Variants in GNPDA2 observed in about 807,000 individuals in gnomAD.
The protein encoded by GNPDA2 is glcN6P deaminase 2.
GNPDA2 carries 24 observed loss-of-function variants against 27.0 expected under a neutral mutation model. The observed-to-expected ratio is 0.89, with a 90% CI of 0.64 to 1.25. GNPDA2 has a LOEUF of 1.25. GNPDA2 is among the 50% of genes most tolerant of loss of function. The pLI is 0.00. For missense variants in GNPDA2, 286 were observed against 335.1 expected, an observed-to-expected ratio of 0.85 and a Z score of 1.14; for synonymous variants, 94 against 108.4, an observed-to-expected ratio of 0.87 and a Z score of 0.83.
At chr4:44,714,113 A>G (rs898814568) in intron 4 of GNPDA2, 1 of 159,838 alleles carries the variant, frequency 6.3e-6, no homozygotes, top group Non-Finnish European at 1.3e-5. Context: ...CTGGGATTAC[A>G]GGCATGCACC....
chr4:44,712,314 G>A (rs1383945531), intron 4 of GNPDA2, among the ~76,000 whole-genome samples: 3 of 151,842 alleles, frequency 2.0e-5, no homozygotes, highest in Admixed American at 6.6e-5. Context: ...CTGACACTTA[G>A]CACACAAGTT....
At chr4:44,720,649 A>G (rs1163841505) in intron 2 of GNPDA2, among the ~76,000 whole-genome samples, 2 of 152,146 alleles carry the variant, frequency 1.3e-5, no homozygotes, top group Non-Finnish European at 2.9e-5. Flanking sequence ...GGTACAAGCA[A>G]TTACCGACAT....
rs752949782 is a variant in GNPDA2 at position 44,718,331 on chromosome 4, G to A, written c.204C>T (p.Thr68=). ...TACCTACATATTCATCCATATTAAA[G>A]GTCTTCACATATTTAAAAGAAAGGT... ...NGHLSFKYVK[T]FNMDEYVGLP... The change falls in exon 3 of 7, where the codon ACC becomes ACT. Residue 68 remains threonine (T), a synonymous_variant. Transcript: ENST00000295448. 7.7e-7 allele frequency: 1 copy of A among 1,297,250 alleles called. No individual in the cohort carries two copies. The highest frequency in any genetic ancestry group is 1.4e-5 in the South Asian group (1 of 72,928). 80.4% of individuals were successfully genotyped at this position (1,297,250 alleles called of 1,614,324 possible). A position where few individuals can be genotyped will look rare whatever the true frequency, so the allele number is the denominator to read the frequency against.
chr4:44,724,696 T>G (rs1384373319), intron 1 of GNPDA2, among the ~76,000 whole-genome samples: 1 of 152,164 alleles, frequency 6.6e-6, no homozygotes, highest in Non-Finnish European at 1.5e-5. Flanking sequence ...TTAATGAGAT[T>G]AAAAGGTCTT....
chr4:44,719,155 CTAAATTTGTTACTTTTTTTTTCATTT>C, intron 2 of GNPDA2, among the ~76,000 whole-genome samples: 1 of 151,690 alleles, frequency 6.6e-6, no homozygotes, highest in South Asian at 2.1e-4. Context: ...TCTTTGTTTT[CTAAATTTGTTACTTTTTTTTTCATTT>C]TAACTTCAAA....
chr4:44,723,359 T>C (rs1717798523), intron 1 of GNPDA2, among the ~76,000 whole-genome samples: 2 of 152,200 alleles, frequency 1.3e-5, no homozygotes, highest in African/African-American at 4.8e-5. Flanking sequence ...ACCTGAATAA[T>C]GTACAATGAT....
At chr4:44,707,955 A>G (rs767465704) in intron 5 of GNPDA2, 29 bp from the exon 6 acceptor site, 1 of 1,491,468 alleles carries the variant, frequency 6.7e-7, no homozygotes, top group Non-Finnish European at 9.1e-7. Context: ...CAATTGTTAA[A>G]ACTTGTTCCA....
chr4:44,726,116 T>G (rs1318504138), intron 1 of GNPDA2, among the ~76,000 whole-genome samples: 1 of 152,168 alleles, frequency 6.6e-6, no homozygotes, highest in Non-Finnish European at 1.5e-5. Context: ...GGGCTGCAGA[T>G]TCCCCTCAGC....
At chr4:44,725,983 G>A (rs900992368) in intron 1 of GNPDA2, among the ~76,000 whole-genome samples, 6 of 152,136 alleles carry the variant, frequency 3.9e-5, no homozygotes, top group Admixed American at 3.9e-4. Context: ...TCTGCTCTGA[G>A]CTTTTCCCTA....
intron 4 of GNPDA2, 87 bp downstream of exon 4, chr4:44,717,026 T>A: frequency 1.1e-6 from 1 of 911,786 alleles, no homozygotes; most frequent in Non-Finnish European, 1.7e-6. Flanking sequence ...CTCTTTACAT[T>A]ACACAATGGG....
chr4:44,719,606 T>C (rs979731232), intron 2 of GNPDA2, among the ~76,000 whole-genome samples: 14 of 152,168 alleles, frequency 9.2e-5, no homozygotes, highest in Admixed American at 4.6e-4. Context: ...AAAAGATGGA[T>C]AAATATGCTT....
chr4:44,713,157 G>T (rs1717076760), intron 4 of GNPDA2, among the ~76,000 whole-genome samples: 1 of 152,122 alleles, frequency 6.6e-6, no homozygotes, highest in Admixed American at 6.5e-5. Flanking sequence ...GTTCTCTTCT[G>T]CCTTGCTCCC....
chr4:44,711,809 G>GTATATATATATATATA (rs35046303), intron 4 of GNPDA2, among the ~76,000 whole-genome samples: 7 of 103,346 alleles, frequency 6.8e-5, no homozygotes, highest in Non-Finnish European at 1.4e-4. Flanking sequence ...TTGCAATCTA[G>GTATATATATATATATA]TATATATATA....
chr4:44,724,284 G>A (rs1717873168), intron 1 of GNPDA2, among the ~76,000 whole-genome samples: 1 of 152,138 alleles, frequency 6.6e-6, no homozygotes, highest in Admixed American at 6.5e-5. Flanking sequence ...TTGGCCTTAA[G>A]TCCTCTGCCT....
intron 6 of GNPDA2, chr4:44,704,555 T>C: frequency 1.4e-6 from 1 of 740,306 alleles, no homozygotes; most frequent in Non-Finnish European, 1.6e-6. Context: ...TAGAAATAAT[T>C]ATTTTGAAAA....
At chr4:44,723,607 A>ATT (rs2109726503) in intron 1 of GNPDA2, among the ~76,000 whole-genome samples, 1 of 152,198 alleles carries the variant, frequency 6.6e-6, no homozygotes, top group East Asian at 1.9e-4. Context: ...TATATACCAC[A>ATT]TTTTCTTTAT....
At chr4:44,714,233 C>A in intron 4 of GNPDA2, 1 of 919,922 alleles carries the variant, frequency 1.1e-6, no homozygotes. Flanking sequence ...CCTCAGCCTC[C>A]CAAAGTGCTG....
intron 2 of GNPDA2, among the ~76,000 whole-genome samples, chr4:44,718,630 A>G (rs982701326): frequency 6.6e-6 from 1 of 151,952 alleles, no homozygotes; most frequent in East Asian, 1.9e-4. Context: ...TAAAAATTAA[A>G]GTTTGGAAAA....
At chr4:44,723,381 C>T (rs1717800954) in intron 1 of GNPDA2, among the ~76,000 whole-genome samples, 1 of 152,106 alleles carries the variant, frequency 6.6e-6, no homozygotes, top group African/African-American at 2.4e-5. Flanking sequence ...CTAGCAATTT[C>T]TCATCATCTA....
Sources: gnomAD v4.1 joint callset for allele counts (sites outside exome capture counted in the v4.1 genomes callset) on GRCh38, gnomAD v4.1.1 for gene constraint, MANE v1.5 for transcripts, NCBI Gene and HGNC (gene_info 2026-07-23, HGNC 2026-07-21) for gene names.